BRME1: variants seen among roughly 807,000 people sequenced by gnomAD.
The protein encoded by BRME1 is BRCA2 and MEILB2-associating protein 1.
In BRME1, 31 loss-of-function variants were observed where a neutral mutation model predicts 52.6. That is an observed-to-expected ratio of 0.59 (90% CI 0.44 to 0.80). The LOEUF (loss-of-function observed/expected upper bound fraction) is 0.80. Ranked by LOEUF, BRME1 falls within the 30% of genes least tolerant of loss-of-function variation. The pLI is 0.00. For missense variants in BRME1, 804 were observed against 860.3 expected (o/e 0.93, Z 0.82); for synonymous variants, 359 against 353.6 (o/e 1.02, Z -0.17).
At chr19:13,897,605 C>T in intron 2 of BRME1, among the ~76,000 whole-genome samples, 1 of 152,180 alleles carries the variant, frequency 6.6e-6, no homozygotes, top group East Asian at 1.9e-4. Context: ...AAGATGCCAG[C>T]CTGTAATCCC....
chr19:13,902,703 G>A (rs975605005), intron 2 of BRME1, among the ~76,000 whole-genome samples: 8 of 151,528 alleles, frequency 5.3e-5, no homozygotes, highest in African/African-American at 9.7e-5. Context: ...ACACCAAGAC[G>A]GGCAGATCAC....
At position 13,886,045 on chromosome 19, in the gene BRME1, G is replaced by A. The variant is rs1015748913; in HGVS notation, c.1679C>T (p.Ser560Leu). ...FEAPPEQLFP[S>L]GNKPGPCWPG... is the part of the protein sequence containing the mutation. ...CCAGCAAGGGCCCGGCTTGTTCCCC[G>A]AAGGAAAGAGCTGGAAAGAGAGCAC... The change falls in exon 7 of 9, where the codon TCG (serine) becomes TTG (leucine). Residue 560 changes from serine (S) to leucine (L), a missense_variant. By Grantham distance (145) the Ser-to-Leu change is moderately radical (BLOSUM62 -2). Around this residue, in one of 3 missense-constraint regions of BRME1, gnomAD observed 552 missense variants for 561.1 expected, o/e 0.98. Transcript: ENST00000586783. 7.4e-6 allele frequency: 12 copies of A among 1,613,916 alleles called. No individual in the cohort carries two copies. In the East Asian group the frequency reaches 2.0e-4, roughly 27 times the overall value.
intron 2 of BRME1, among the ~76,000 whole-genome samples, chr19:13,900,611 A>G (rs1441189003): frequency 6.6e-6 from 1 of 152,230 alleles, no homozygotes; most frequent in African/African-American, 2.4e-5. Context: ...TTTTGAAGAA[A>G]TTTAACTTAC....
chr19:13,892,419 C>T (rs1969568986), intron 5 of BRME1, among the ~76,000 whole-genome samples: 1 of 151,878 alleles, frequency 6.6e-6, no homozygotes. Context: ...AACCCCGTCT[C>T]TACTAAAAAT....
chr19:13,884,800 T>C (rs1423927804), intron 7 of BRME1: 1 of 151,806 alleles, frequency 6.6e-6, no homozygotes, highest in Non-Finnish European at 1.5e-5. Flanking sequence ...TCCGGGGCTG[T>C]CACTATGGAA....
chr19:13,899,723 G>A lies in BRME1; in HGVS notation c.32-4177C>T, dbSNP rs542072864. ...TATAGAAACACATTCCTAACCGTCC[G>A]GGTGCAGTGGCTCATGCCTGTAATC... On this transcript the variant is annotated intron_variant, in intron 2 of 8. Transcript: ENST00000586783. Among the ~76,000 whole-genome samples, 72 of 152,264 alleles carry A rather than the reference G, an allele frequency of 4.7e-4. 1 individual carries two copies. In the South Asian group the frequency reaches 0.015, roughly 32 times the overall value.
intron 4 of BRME1, 114 bp downstream of exon 4, chr19:13,893,028 C>T: frequency 7.4e-7 from 1 of 1,350,518 alleles, no homozygotes; most frequent in African/African-American, 1.4e-5. Flanking sequence ...ACATTCCCTC[C>T]AGCCCCTGTA....
Position 13,886,053 on chromosome 19 carries a change from G to A in BRME1, c.1671C>T (p.Leu557=), listed in dbSNP as rs769605288. Reference sequence around the variant, plus strand: ...GGCCCGGCTTGTTCCCCGAAGGAAAGAGCTGGAAAGAGAGCACAAGGTGTG... The same window carrying A: ...GGCCCGGCTTGTTCCCCGAAGGAAAAAGCTGGAAAGAGAGCACAAGGTGTG... ...ASDFEAPPEQ[L]FPSGNKPGPC... The change falls in exon 7 of 9, where the codon CTC becomes CTT. Residue 557 remains leucine, a splice_region_variant and synonymous_variant. Coordinates refer to ENST00000586783, the MANE Select transcript of BRME1 (RefSeq NM_001345843.2). The A allele has an allele frequency of 1.2e-6, 2 of 1,613,820 alleles. No homozygotes were observed. The highest frequency in any genetic ancestry group is 2.2e-5 in the South Asian group (2 of 91,058).
rs550266048 is a variant in BRME1 at position 13,900,688 on chromosome 19, T to C, written c.31+4174A>G. Among the ~76,000 whole-genome samples the C allele has an allele frequency of 2.0e-5, 3 of 152,218 alleles. No individual in the cohort carries two copies. In the East Asian group the frequency reaches 5.8e-4, roughly 29 times the overall value. On this transcript the variant is annotated intron_variant, in intron 2 of 8. Coordinates refer to ENST00000586783, the MANE Select transcript of BRME1 (RefSeq NM_001345843.2). The stretch of plus-strand genomic sequence containing the variant: ...TGGGAGTTTGTCTTTCTGACTTGGT[T>C]TGTTCCTTTTTTTTTTTAGACAGAG...
chr19:13,885,986 C>A lies in BRME1; in HGVS notation c.1738G>T (p.Val580Phe), dbSNP rs752663515. 15 of 1,613,914 alleles carry A rather than the reference C, an allele frequency of 9.3e-6. No homozygotes were observed. The East Asian group carries it at 3.3e-4, about 36-fold the overall frequency. ...GPSSHANGDP[V>F]AVAKAQPRTF... ...CTCGGCTGGGCCTTGGCCACTGCAA[C>A]AGGGTCTCCATTGGCATGTGAGCTG... The change falls in exon 7 of 9, where the codon GTT (valine) becomes TTT (phenylalanine). Residue 580 changes from valine to phenylalanine, a missense_variant. This residue lies in a region of BRME1 where 552 missense variants were observed against 561.1 expected (regional missense o/e 0.98). Transcript: ENST00000586783.
chr19:13,882,873 C>A lies in BRME1; in HGVS notation c.1936G>T (p.Ala646Ser), dbSNP rs546856539. The A allele has an allele frequency of 6.2e-7, 1 of 1,614,054 alleles. No individual in the cohort carries two copies. Among genetic ancestry groups the A allele is most frequent in the South Asian group, 1.1e-5 (1 of 91,070 alleles). The change falls in exon 9 of 9, where the codon GCC becomes TCC. Residue 646 changes from alanine (A) to serine (S), a missense_variant. Physicochemically the swap from Ala to Ser is moderately conservative, Grantham distance 99. This residue lies in a region of BRME1 where 552 missense variants were observed against 561.1 expected (regional missense o/e 0.98). Transcript: ENST00000586783. ...NYRKTKLGGK[A>S]PLPYPSKGPG... ...CCCTTGGAAGGGTAAGGCAGGGGGGCTTTGCCTCCCAGCTTTGTCTTCCGG... is the reference window on the plus strand; with the variant it reads ...CCCTTGGAAGGGTAAGGCAGGGGGGATTTGCCTCCCAGCTTTGTCTTCCGG...
rs377335198 is a variant in BRME1 at position 13,893,165 on chromosome 19, G to T, written c.265C>A (p.Pro89Thr). Residue 89 changes from proline to threonine, a missense_variant, in exon 4 of 9, where the codon CCA becomes ACA. Pro to Thr is a conservative substitution (Grantham distance 38). Around this residue, in one of 3 missense-constraint regions of BRME1, gnomAD observed 234 missense variants for 258.1 expected, o/e 0.91. Transcript: ENST00000586783. The part of the protein sequence containing the change: ...CRLLRQPEKE[P>T]APLPPSQNSF... ...ACCTGGGAAGGAGGAAGGGGAGCTG[G>T]CTCCTTTTCTGGTTGACGGAGGAGC... The T allele has an allele frequency of 5.6e-6, 9 of 1,595,790 alleles. No individual in the cohort carries two copies. Among genetic ancestry groups the T allele is most frequent in the Non-Finnish European group, 7.7e-6 (9 of 1,172,708 alleles).
Position 13,889,385 on chromosome 19 carries a change from C to A in BRME1, c.1471G>T (p.Asp491Tyr). The change falls in exon 6 of 9, where the codon GAC (aspartate) becomes TAC (tyrosine). Residue 491 changes from aspartate to tyrosine, a missense_variant. Around this residue, in one of 3 missense-constraint regions of BRME1, gnomAD observed 552 missense variants for 561.1 expected, o/e 0.98. Coordinates refer to ENST00000586783, the MANE Select transcript of BRME1 (RefSeq NM_001345843.2). ...TGAGCCCCGGGCTCCTGGAGAGGGT[C>A]GTCTGCTATTTCTCTGTGTTCCAGC... ...VVLEHREIAD[D>Y]PLQEPGAQQG... The A allele has an allele frequency of 6.2e-7, 1 of 1,614,038 alleles. No homozygotes were observed. Among genetic ancestry groups the A allele is most frequent in the Non-Finnish European group, 8.5e-7 (1 of 1,179,998 alleles).
In BRME1 at chr19:13,889,457, C is replaced by T. The variant is rs759040859; in HGVS notation, c.1399G>A (p.Glu467Lys). ...EEAELGGQNLERDLEGFRVSP... is the reference protein window; with the variant it reads ...EEAELGGQNLKRDLEGFRVSP... The stretch of plus-strand genomic sequence containing the variant: ...ACACGGAACCCCTCGAGGTCTCGTT[C>T]GAGGTTCTGGCCACCTAACTCGGCT... The change falls in exon 6 of 9, where the codon GAA becomes AAA. Residue 467 changes from glutamate to lysine, a missense_variant. Physicochemically the swap from Glu to Lys is moderately conservative, Grantham distance 56 (BLOSUM62 1). Coordinates refer to ENST00000586783, the MANE Select transcript of BRME1 (RefSeq NM_001345843.2). 24 of 1,613,820 alleles carry T rather than the reference C, an allele frequency of 1.5e-5. 1 individual carries two copies. In the South Asian group the frequency reaches 1.8e-4, roughly 12 times the overall value.
At chr19:13,884,214 C>T (rs1968838184) in intron 7 of BRME1, among the ~76,000 whole-genome samples, 1 of 152,156 alleles carries the variant, frequency 6.6e-6, no homozygotes, top group Non-Finnish European at 1.5e-5. Context: ...GTGGTGCGCG[C>T]CTGTAGTCCC....
In BRME1 at chr19:13,888,017, C is replaced by T. The variant is rs941137933; in HGVS notation, c.1668+1171G>A. 2.4e-4 allele frequency among the ~76,000 whole-genome samples: 37 copies of T among 152,008 alleles called. No homozygotes were observed. The highest frequency in any genetic ancestry group is 4.6e-4 in the Non-Finnish European group (31 of 68,004). On this transcript the variant is annotated intron_variant, in intron 6 of 8. Coordinates refer to ENST00000586783, the MANE Select transcript of BRME1 (RefSeq NM_001345843.2). This position sits in a 1 kb window ranked among gnomAD's most constrained non-coding sequence, Gnocchi z 4.1. Reference sequence around the variant, plus strand: ...TTGGCTCACTGCAACCTCAGTCTCCCAGGTTCAAGTGATTCTTCTGCCTCA... The same window carrying T: ...TTGGCTCACTGCAACCTCAGTCTCCTAGGTTCAAGTGATTCTTCTGCCTCA...
intron 7 of BRME1, among the ~76,000 whole-genome samples, chr19:13,884,325 CTCTA>C (rs1253216159): frequency 5.3e-5 from 8 of 151,204 alleles, no homozygotes; most frequent in Admixed American, 5.3e-4. Flanking sequence ...CAGAGCAAGA[CTCTA>C]TCTAAAAAAT....
intron 2 of BRME1, among the ~76,000 whole-genome samples, chr19:13,901,711 A>AG (rs1970308829): frequency 1.3e-5 from 2 of 150,562 alleles, no homozygotes; most frequent in South Asian, 4.2e-4. Flanking sequence ...AAAAAAAAAA[A>AG]GAAAAAAGCT....
chr19:13,896,932 A>G (rs768076729), intron 2 of BRME1, among the ~76,000 whole-genome samples: 8 of 152,044 alleles, frequency 5.3e-5, no homozygotes, highest in Non-Finnish European at 1.2e-4. Flanking sequence ...TCTGGCGCTC[A>G]AGTGATCCTC....
Sources: gnomAD v4.1 joint callset for allele counts (sites outside exome capture counted in the v4.1 genomes callset) on GRCh38, gnomAD v4.1.1 for gene constraint, gnomAD v4.1.1 regional missense constraint, Gnocchi (gnomAD v3.1) non-coding constraint, MANE v1.5 for transcripts, NCBI Gene and HGNC (gene_info 2026-07-23, HGNC 2026-07-21) for gene names.